FKBP5: variants seen among roughly 807,000 people sequenced by gnomAD.
FKBP5 encodes FKBP prolyl isomerase 5.
A neutral mutation model predicts 50.5 loss-of-function variants in FKBP5; 23 were observed. The observed-to-expected ratio is 0.46, with a 90% confidence interval of 0.33 to 0.65. FKBP5 has a LOEUF of 0.65. FKBP5 is among the 30% of genes least tolerant of loss of function. FKBP5 has a pLI of 0.02. For synonymous variants in FKBP5, 176 were observed against 190.6 expected, an observed-to-expected ratio of 0.92 and a Z score of 0.63; for missense variants, 411 against 553.1, an observed-to-expected ratio of 0.74 and a Z score of 2.58.
chr6:35,582,978 T>G, intron 8 of FKBP5: 1 of 836,908 alleles, frequency 1.2e-6, no homozygotes, highest in Non-Finnish European at 1.4e-6. Flanking sequence ...TCCCAGCACT[T>G]TGGGAAGCTG....
intron 6 of FKBP5, among the ~76,000 whole-genome samples, chr6:35,591,852 G>A (rs1262197369): frequency 6.6e-6 from 1 of 152,140 alleles, no homozygotes; most frequent in African/African-American, 2.4e-5. Context: ...AGCAAGTTCT[G>A]ACACCTCCTC....
intron 1 of FKBP5, among the ~76,000 whole-genome samples, chr6:35,652,856 G>A (rs889459569): frequency 1.3e-5 from 2 of 152,020 alleles, no homozygotes; most frequent in Admixed American, 1.3e-4. Flanking sequence ...TGGCTTGTGG[G>A]GCATCACGGA....
chr6:35,623,514 A>G (rs1424125863), intron 3 of FKBP5, among the ~76,000 whole-genome samples: 6 of 151,988 alleles, frequency 3.9e-5, no homozygotes, highest in Non-Finnish European at 4.4e-5. Flanking sequence ...TGCAAAGGTG[A>G]TATGCATTTT....
chr6:35,694,671 A>G (rs1376470424), intron 2 of FKBP5, among the ~76,000 whole-genome samples: 1 of 152,154 alleles, frequency 6.6e-6, no homozygotes, highest in Non-Finnish European at 1.5e-5. Flanking sequence ...TCAGAGCTGG[A>G]CTACAGTCTA....
At chr6:35,698,908 A>G (rs1766130289) in intron 2 of FKBP5, among the ~76,000 whole-genome samples, 1 of 152,072 alleles carries the variant, frequency 6.6e-6, no homozygotes, top group Non-Finnish European at 1.5e-5. Context: ...ATGCATGAGA[A>G]ATCCACCCCT....
chr6:35,649,107 C>T (rs534464066), intron 1 of FKBP5, among the ~76,000 whole-genome samples: 6 of 151,750 alleles, frequency 4.0e-5, no homozygotes, highest in African/African-American at 7.2e-5. Flanking sequence ...AAATATTAGC[C>T]GGGCGTGGTG....
At chr6:35,617,869 T>C (rs1162627533) in intron 5 of FKBP5, among the ~76,000 whole-genome samples, 1 of 152,206 alleles carries the variant, frequency 6.6e-6, no homozygotes, top group Non-Finnish European at 1.5e-5. Flanking sequence ...ATCTCAGTCC[T>C]CAGAGCTGCC....
intron 5 of FKBP5, among the ~76,000 whole-genome samples, chr6:35,605,607 A>T (rs1763289061): frequency 6.6e-6 from 1 of 151,894 alleles, no homozygotes. Flanking sequence ...TATGCTGCCC[A>T]GGCTGGTCTT....
chr6:35,618,910 G>A (rs753829128), intron 5 of FKBP5, among the ~76,000 whole-genome samples, 186 bp downstream of exon 5: 1 of 152,010 alleles, frequency 6.6e-6, no homozygotes, highest in Non-Finnish European at 1.5e-5. Context: ...TGGCCAGGCT[G>A]GTCTCAAACT....
intron 1 of FKBP5, among the ~76,000 whole-genome samples, chr6:35,687,194 C>T (rs1765852296): frequency 6.6e-6 from 1 of 152,110 alleles, no homozygotes; most frequent in African/African-American, 2.4e-5. Flanking sequence ...AACCAAGACA[C>T]ATTAGAAGAA....
chr6:35,605,031 C>A (rs1226488792), intron 5 of FKBP5, among the ~76,000 whole-genome samples: 1 of 152,194 alleles, frequency 6.6e-6, no homozygotes, highest in African/African-American at 2.4e-5. Context: ...GATCCACGTG[C>A]CTCGGCCTCC....
chr6:35,606,758 T>C (rs755903163), intron 5 of FKBP5, among the ~76,000 whole-genome samples: 1 of 147,732 alleles, frequency 6.8e-6, no homozygotes, highest in Non-Finnish European at 1.5e-5. Flanking sequence ...ACAGTGTTGA[T>C]GAGAATGGAA....
intron 3 of FKBP5, among the ~76,000 whole-genome samples, chr6:35,633,279 ATGCC>A (rs1157314691): frequency 6.6e-6 from 1 of 152,176 alleles, no homozygotes; most frequent in Admixed American, 6.6e-5. Context: ...ACAGTGGCTC[ATGCC>A]TGTAATCCCA....
At chr6:35,699,930 C>T (rs963844281) in intron 2 of FKBP5, among the ~76,000 whole-genome samples, 9 of 151,914 alleles carry the variant, frequency 5.9e-5, no homozygotes, top group Non-Finnish European at 1.2e-4. Context: ...GCCTGTAATC[C>T]CAGCTACTCG....
chr6:35,682,203 G>C (rs148602840), intron 1 of FKBP5, among the ~76,000 whole-genome samples: 225 of 152,274 alleles, frequency 1.5e-3, no homozygotes, highest in Non-Finnish European at 2.6e-3. Context: ...CAGATTACAA[G>C]ACTGTTTTTA....
chr6:35,624,652 A>T (rs1354758697), intron 3 of FKBP5, among the ~76,000 whole-genome samples: 1 of 152,066 alleles, frequency 6.6e-6, no homozygotes, highest in Non-Finnish European at 1.5e-5. Context: ...CCCACGTCCT[A>T]ATAAGATTTA....
chr6:35,581,786 G>C, intron 8 of FKBP5: 1 of 985,510 alleles, frequency 1.0e-6, no homozygotes, highest in Non-Finnish European at 1.2e-6. Context: ...CCAGATGGCA[G>C]AGGAGCAGCC....
At chr6:35,704,943 C>T (rs943353861) in intron 2 of FKBP5, among the ~76,000 whole-genome samples, 11 of 151,590 alleles carry the variant, frequency 7.3e-5, no homozygotes, top group Admixed American at 5.9e-4. Flanking sequence ...AAATCGAGAC[C>T]ATCCTGGGTA....
chr6:35,582,383 G>C, intron 8 of FKBP5: 1 of 792,148 alleles, frequency 1.3e-6, no homozygotes, highest in South Asian at 5.7e-5. Context: ...GGAGCATTTG[G>C]GGAGGGAATT....
Sources: allele counts gnomAD v4.1 joint callset (sites outside exome capture counted in the v4.1 genomes callset), GRCh38; gene constraint gnomAD v4.1.1; transcripts MANE v1.5; gene names NCBI Gene and HGNC (gene_info 2026-07-23, HGNC 2026-07-21).